COG4: variants seen among roughly 807,000 people sequenced by gnomAD.
COG4 encodes the protein component of oligomeric golgi complex 4.
A neutral mutation model predicts 95.1 loss-of-function variants in COG4; 65 were observed. That is an observed-to-expected ratio of 0.68 (90% confidence interval 0.56 to 0.84). COG4 has a LOEUF of 0.84. Ranked by LOEUF, COG4 falls within the 40% of genes least tolerant of loss-of-function variation. The pLI is 0.00. For missense variants in COG4, 1,045 were observed against 989.1 expected (o/e 1.06, Z -0.76); for synonymous variants, 421 against 374.8 (o/e 1.12, Z -1.42).
Position 70,481,102 on chromosome 16 carries a change from A to G in COG4, c.2278T>C (p.Leu760=), listed in dbSNP as rs113010015. 217 of 1,613,390 alleles carry G rather than the reference A, an allele frequency of 1.3e-4. 1 individual carries two copies. Among genetic ancestry groups the G allele is most frequent in the Admixed American group, 3.7e-4 (22 of 60,004 alleles). The change falls in exon 19 of 19, where the codon TTG becomes CTG. Residue 760 remains leucine, a synonymous_variant. Transcript: ENST00000323786. ...LDYWGPNSGP[L]TWRLTPAEVR... ...TCAGCAGGGGTGAGGCGCCACGTCA[A>G]TGGGCCGGAATTGGGTCCCCAGTAA...
chr16:70,496,572 G>C, intron 11 of COG4, 141 bp from the exon 12 acceptor site: 2 of 771,716 alleles, frequency 2.6e-6, no homozygotes, highest in Non-Finnish European at 2.2e-6. Flanking sequence ...CACTGTAGGA[G>C]ACCTGAGGAG....
intron 12 of COG4, 138 bp downstream of exon 12, chr16:70,496,128 C>T (rs2049334230): frequency 1.1e-6 from 1 of 918,316 alleles, no homozygotes; most frequent in South Asian, 1.4e-5. Flanking sequence ...AGGAAATTCC[C>T]TTAAAGGAGG....
intron 5 of COG4, among the ~76,000 whole-genome samples, chr16:70,511,682 C>T (rs2049710304): frequency 6.6e-6 from 1 of 152,102 alleles, no homozygotes; most frequent in African/African-American, 2.4e-5. Context: ...CCTGTAATCC[C>T]ATCACTTTGG....
In COG4 at chr16:70,498,068, CAAG is replaced by C; in HGVS notation, c.1196-16_1196-14del. 6.5e-7 allele frequency: 1 copy of C among 1,546,498 alleles called. No individual in the cohort carries two copies. Among genetic ancestry groups the C allele is most frequent in the Non-Finnish European group, 8.9e-7 (1 of 1,118,476 alleles). On this transcript the variant is annotated splice_polypyrimidine_tract_variant and intron_variant, in intron 9 of 18. Transcript: ENST00000323786. The stretch of plus-strand genomic sequence containing the variant: ...CACTTCTGGTGCTCTAGGGGACAGC[CAAG>C]AAAGGAATACTCATTTTTTTTCCCC...
At position 70,523,476 on chromosome 16, in the gene COG4, C is replaced by T. The variant is rs374732475; in HGVS notation, c.68G>A (p.Gly23Glu). The change falls in exon 1 of 19, where the codon GGG (glycine) becomes GAG (glutamate). Residue 23 changes from glycine (G) to glutamate (E), a missense_variant. Transcript: ENST00000323786. ...TTCGGAGCAGCGGCCACCTCCCACC[C>T]CCTCAGACGGCTGCTGCACCCCTGA... The part of the protein sequence containing the change: ...KLSGVQQPSE[G>E]VGGGRCSEIS... 2.9e-5 allele frequency: 46 copies of T among 1,613,994 alleles called. No homozygotes were observed. The African/African-American group carries it at 4.9e-4, about 17-fold the overall frequency.
At chr16:70,509,642 A>T (rs767871449) in intron 6 of COG4, among the ~76,000 whole-genome samples, 3 of 152,240 alleles carry the variant, frequency 2.0e-5, no homozygotes, top group Admixed American at 1.3e-4. Flanking sequence ...TTTGGAAATC[A>T]GCATCACTCG....
At chr16:70,481,306 C>T in intron 18 of COG4, 53 bp downstream of exon 18, 1 of 1,608,670 alleles carries the variant, frequency 6.2e-7, no homozygotes, top group Non-Finnish European at 8.5e-7. Flanking sequence ...GGGGATCCAT[C>T]TTTGCCTCTT....
At chr16:70,512,954 CAA>C (rs1054718305) in intron 4 of COG4, among the ~76,000 whole-genome samples, 4 of 152,114 alleles carry the variant, frequency 2.6e-5, no homozygotes, top group African/African-American at 9.7e-5. Context: ...CTCCAGCCGG[CAA>C]AAGAGTGAGA....
chr16:70,508,547 A>G (rs758488858), intron 7 of COG4, 83 bp from the exon 8 acceptor site: 1 of 1,172,836 alleles, frequency 8.5e-7, no homozygotes, highest in Middle Eastern at 1.9e-4. Context: ...AACTTTTGGC[A>G]TACAAGAACA....
intron 3 of COG4, 62 bp from the exon 4 acceptor site, chr16:70,514,571 G>A: frequency 6.9e-7 from 1 of 1,455,840 alleles, no homozygotes; most frequent in Non-Finnish European, 9.6e-7. Context: ...CCCTCAAGAA[G>A]GTAGGGAGAT....
intron 12 of COG4, 81 bp downstream of exon 12, chr16:70,496,185 G>A: frequency 1.4e-6 from 2 of 1,454,500 alleles, no homozygotes; most frequent in Middle Eastern, 3.4e-4. Flanking sequence ...CTAGCTAGAG[G>A]CCAATTATAC....
chr16:70,491,186 C>T (rs1031745916), intron 12 of COG4, among the ~76,000 whole-genome samples: 9 of 152,064 alleles, frequency 5.9e-5, no homozygotes, highest in African/African-American at 1.9e-4. Context: ...TATTATCAAG[C>T]CCAGTGCACG....
chr16:70,500,481 C>T (rs113270201), intron 9 of COG4, among the ~76,000 whole-genome samples: 7 of 150,412 alleles, frequency 4.7e-5, no homozygotes, highest in African/African-American at 1.7e-4. Flanking sequence ...CCGTCTCAAC[C>T]TCCCGAGTAG....
At chr16:70,487,067 G>C (rs919476768) in intron 13 of COG4, among the ~76,000 whole-genome samples, 2 of 151,640 alleles carry the variant, frequency 1.3e-5, no homozygotes, top group Non-Finnish European at 2.9e-5. Flanking sequence ...GAGGTGGGCG[G>C]ATCGCCTGAG....
intron 10 of COG4, 60 bp from the exon 11 acceptor site, chr16:70,497,447 A>C (rs1219855987): frequency 6.5e-7 from 1 of 1,545,200 alleles, no homozygotes; most frequent in Non-Finnish European, 8.9e-7. Flanking sequence ...GTTCTAGATG[A>C]TTCTGGGTAC....
intron 12 of COG4, among the ~76,000 whole-genome samples, chr16:70,490,608 T>G (rs1431979981): frequency 2.6e-5 from 4 of 152,186 alleles, no homozygotes; most frequent in African/African-American, 9.6e-5. Context: ...CTTTCTTCTG[T>G]GCCTGATGAC....
chr16:70,485,451 G>A (rs1196237367), intron 13 of COG4, among the ~76,000 whole-genome samples: 2 of 151,610 alleles, frequency 1.3e-5, no homozygotes, highest in Non-Finnish European at 2.9e-5. Context: ...TGATCCACCC[G>A]CCTCAGCCTC....
Position 70,509,251 on chromosome 16 carries a change from G to T in COG4, c.982C>A (p.Gln328Lys), listed in dbSNP as rs1207662855. The change falls in exon 7 of 19, where the codon CAA becomes AAA. Residue 328 changes from glutamine (Q) to lysine (K), a missense_variant. By Grantham distance (53) the Gln-to-Lys change is moderately conservative. Transcript: ENST00000323786. ...VEKVVDKFIK[Q>K]RDYHQQFRHV... ...CTCACCTGCTGGTGGTAGTCCCTTT[G>T]CTTGATGAACTTGTCTACCACCTTC... 1 of 1,613,956 alleles carries T rather than the reference G, an allele frequency of 6.2e-7. No individual in the cohort carries two copies. The highest frequency in any genetic ancestry group is 1.3e-5 in the African/African-American group (1 of 74,872).
chr16:70,482,214 TAAG>T (rs1169640784), intron 15 of COG4, 39 bp from the exon 16 acceptor site: 2 of 1,278,772 alleles, frequency 1.6e-6, no homozygotes, highest in African/African-American at 1.5e-5. Flanking sequence ...ATGGGCCTCA[TAAG>T]AAGTACCATT....
Sources: gnomAD v4.1 joint callset for allele counts (sites outside exome capture counted in the v4.1 genomes callset) on GRCh38, gnomAD v4.1.1 for gene constraint, MANE v1.5 for transcripts, NCBI Gene and HGNC (gene_info 2026-07-23, HGNC 2026-07-21) for gene names.